The following ENTREP2 variants were observed in gnomAD, a reference collection of about 807,000 sequenced individuals.
ENTREP2 encodes endosomal transmembrane epsin interactor 2.
the ENTREP2 span, among the ~76,000 whole-genome samples, chr15:29,137,622 A>G: frequency 6.6e-6 from 1 of 152,080 alleles, no homozygotes; most frequent in Non-Finnish European, 1.5e-5. Flanking sequence ...ATCACCTGTG[A>G]TCAGGATTTC....
At chr15:29,401,373 G>A in the ENTREP2 span, among the ~76,000 whole-genome samples, 1 of 152,158 alleles carries the variant, frequency 6.6e-6, no homozygotes, top group Non-Finnish European at 1.5e-5. Context: ...AGGATGTTTA[G>A]ATTTTTAATG....
At chr15:29,569,965 G>C in the ENTREP2 span, 1 of 151,896 alleles carries the variant, frequency 6.6e-6, no homozygotes, top group African/African-American at 2.4e-5. Context: ...GTCAGCGAGC[G>C]ACCACAGGGG....
At chr15:29,401,279 A>G in the ENTREP2 span, among the ~76,000 whole-genome samples, 5 of 151,686 alleles carry the variant, frequency 3.3e-5, no homozygotes, top group East Asian at 1.1e-3. Flanking sequence ...ATACATAAAC[A>G]GACAAAAGGT....
chr15:29,624,409 T>C, the ENTREP2 span, among the ~76,000 whole-genome samples: 1 of 152,184 alleles, frequency 6.6e-6, no homozygotes, highest in South Asian at 2.1e-4. Flanking sequence ...CTTAACCGAA[T>C]GTGTGAGTAG....
the ENTREP2 span, among the ~76,000 whole-genome samples, chr15:29,631,330 T>G: frequency 6.6e-6 from 1 of 152,288 alleles, no homozygotes; most frequent in Middle Eastern, 3.4e-3. Context: ...CGGTCTTTGA[T>G]TGTATCTTGG....
chr15:29,576,612 T>G, the ENTREP2 span, among the ~76,000 whole-genome samples: 15 of 152,298 alleles, frequency 9.8e-5, no homozygotes, highest in Middle Eastern at 3.4e-3. Flanking sequence ...AGATTATGGA[T>G]AGAACTACTC....
chr15:29,313,823 G>A, the ENTREP2 span, among the ~76,000 whole-genome samples: 5 of 152,306 alleles, frequency 3.3e-5, no homozygotes, highest in East Asian at 9.6e-4. Flanking sequence ...ATAAATCTGG[G>A]TGGAGTAAAT....
At chr15:29,467,002 C>G in the ENTREP2 span, among the ~76,000 whole-genome samples, 1 of 134,886 alleles carries the variant, frequency 7.4e-6, no homozygotes, top group Non-Finnish European at 1.6e-5. Flanking sequence ...GGGGAGGATG[C>G]TGATGGCCCC....
At chr15:29,465,680 A>C in the ENTREP2 span, among the ~76,000 whole-genome samples, 1 of 152,236 alleles carries the variant, frequency 6.6e-6, no homozygotes. Flanking sequence ...TACAATCAAC[A>C]ATCAAACCCC....
At chr15:29,367,492 G>T in the ENTREP2 span, among the ~76,000 whole-genome samples, 7 of 152,142 alleles carry the variant, frequency 4.6e-5, no homozygotes, top group Non-Finnish European at 8.8e-5. Context: ...GTAGATAATA[G>T]TTGGGGCAAA....
chr15:29,236,972 C>T, the ENTREP2 span, among the ~76,000 whole-genome samples: 1 of 152,176 alleles, frequency 6.6e-6, no homozygotes, highest in African/African-American at 2.4e-5. Flanking sequence ...AGCAAAAAAT[C>T]CACAATAAAA....
the ENTREP2 span, among the ~76,000 whole-genome samples, chr15:29,229,204 T>TAGTC: frequency 0.35 from 53,736 of 151,818 alleles, 10,275 homozygotes; most frequent in East Asian, 0.6. Flanking sequence ...AAATAATCAT[T>TAGTC]AGAGATATAT....
chr15:29,269,480 C>T, the ENTREP2 span: 2 of 1,611,128 alleles, frequency 1.2e-6, no homozygotes, highest in Admixed American at 1.7e-5. Context: ...GGCCCCACGG[C>T]GGGGGCGGCC....
chr15:29,531,046 C>T, the ENTREP2 span, among the ~76,000 whole-genome samples: 1 of 152,230 alleles, frequency 6.6e-6, no homozygotes, highest in Non-Finnish European at 1.5e-5. Flanking sequence ...CATTCTTCCC[C>T]TCAGTGGCTC....
the ENTREP2 span, chr15:29,252,457 A>G: frequency 6.5e-7 from 1 of 1,549,618 alleles, no homozygotes; most frequent in African/African-American, 1.4e-5. Flanking sequence ...CACACTGCAG[A>G]AAGCAGCATG....
At chr15:29,223,810 C>T in the ENTREP2 span, among the ~76,000 whole-genome samples, 3 of 152,170 alleles carry the variant, frequency 2.0e-5, no homozygotes, top group Non-Finnish European at 1.5e-5. Flanking sequence ...AGGCCTCATC[C>T]TTCTACACTG....
chr15:29,631,657 G>C, the ENTREP2 span, among the ~76,000 whole-genome samples: 1 of 152,206 alleles, frequency 6.6e-6, no homozygotes, highest in Non-Finnish European at 1.5e-5. Context: ...CTTCTAGGCA[G>C]GGCTTAAAGA....
the ENTREP2 span, among the ~76,000 whole-genome samples, chr15:29,224,903 A>C: frequency 2.6e-5 from 4 of 152,164 alleles, no homozygotes; most frequent in Admixed American, 6.5e-5. Flanking sequence ...GGGGAGGCTC[A>C]GGCATGGCGG....
At chr15:29,600,230 C>CA in the ENTREP2 span, among the ~76,000 whole-genome samples, 190 of 150,474 alleles carry the variant, frequency 1.3e-3, 1 homozygote, top group African/African-American at 4.4e-3. Flanking sequence ...AACAATTTGT[C>CA]AAAAAAAAAA....
Sources: gnomAD v4.1 joint callset for allele counts (sites outside exome capture counted in the v4.1 genomes callset) on GRCh38, gnomAD v4.1.1 for gene constraint, MANE v1.5 for transcripts, NCBI Gene and HGNC (gene_info 2026-07-23, HGNC 2026-07-21) for gene names.